Variants in ADCK1 observed in about 807,000 individuals in gnomAD.
The protein encoded by ADCK1 is aarF domain containing kinase 1.
ADCK1 carries 41 observed loss-of-function variants against 52.3 expected under a neutral mutation model. That is an observed-to-expected ratio of 0.78 (90% CI 0.61 to 1.02). The LOEUF (loss-of-function observed/expected upper bound fraction) is 1.02. ADCK1 is among the 50% of genes least tolerant of loss of function. ADCK1 has a pLI of 0.00. For synonymous variants in ADCK1, 250 were observed against 274.6 expected, an observed-to-expected ratio of 0.91 and a Z score of 0.89; for missense variants, 658 against 679.5, an observed-to-expected ratio of 0.97 and a Z score of 0.35.
chr14:77,839,942 A>AG (rs2082034223), intron 3 of ADCK1, among the ~76,000 whole-genome samples: 1 of 143,548 alleles, frequency 7.0e-6, no homozygotes, highest in Non-Finnish European at 1.5e-5. Flanking sequence ...AAAAAAAAAA[A>AG]GGAAAAAAGA....
At chr14:77,812,943 T>G (rs1350549587) in intron 1 of ADCK1, among the ~76,000 whole-genome samples, 2 of 152,140 alleles carry the variant, frequency 1.3e-5, no homozygotes, top group African/African-American at 4.8e-5. Flanking sequence ...AGGTAGGAAC[T>G]GATCCCAGGA....
chr14:77,855,418 C>G (rs892272697), intron 3 of ADCK1, among the ~76,000 whole-genome samples: 1 of 152,202 alleles, frequency 6.6e-6, no homozygotes, highest in Non-Finnish European at 1.5e-5. Context: ...AGTCCACCAG[C>G]TTCTATGTGG....
intron 9 of ADCK1, among the ~76,000 whole-genome samples, chr14:77,927,020 A>G (rs1487676655): frequency 1.3e-5 from 2 of 152,132 alleles, no homozygotes; most frequent in Non-Finnish European, 2.9e-5. Flanking sequence ...CATCAGGGAC[A>G]GGGTTCTGCC....
At chr14:77,853,978 T>C (rs1350200764) in intron 3 of ADCK1, among the ~76,000 whole-genome samples, 1 of 152,240 alleles carries the variant, frequency 6.6e-6, no homozygotes, top group Non-Finnish European at 1.5e-5. Context: ...CATGTTCACC[T>C]TGTCACCTTG....
At chr14:77,855,530 T>C (rs1048938050) in intron 3 of ADCK1, among the ~76,000 whole-genome samples, 18 of 152,222 alleles carry the variant, frequency 1.2e-4, no homozygotes, top group Non-Finnish European at 7.3e-5. Flanking sequence ...GGTTAAACTC[T>C]GTTAATATGT....
In ADCK1 at chr14:77,841,884, G is replaced by C. The variant is rs191566091; in HGVS notation, c.220-17192G>C. Among the ~76,000 whole-genome samples the C allele has an allele frequency of 1.8e-3, 275 of 150,814 alleles. 3 individuals carry two copies. Among genetic ancestry groups the C allele is most frequent in the Middle Eastern group, 0.017 (5 of 294 alleles). The stretch of plus-strand genomic sequence containing the variant: ...AAAAAAAAAAAATTTGCCAGGCCAG[G>C]CATGGTGGCTCATGCCTGTAATCCC... On this transcript the variant is annotated intron_variant, in intron 3 of 10. Coordinates refer to ENST00000238561, the MANE Select transcript of ADCK1 (RefSeq NM_020421.4).
intron 7 of ADCK1, among the ~76,000 whole-genome samples, chr14:77,918,247 G>C (rs2083972740): frequency 6.6e-6 from 1 of 152,208 alleles, no homozygotes; most frequent in African/African-American, 2.4e-5. Context: ...AGACAGTTCA[G>C]TGGCAGCAGG....
chr14:77,851,012 C>T (rs1351670635), intron 3 of ADCK1, among the ~76,000 whole-genome samples: 3 of 151,798 alleles, frequency 2.0e-5, no homozygotes, highest in Non-Finnish European at 4.4e-5. Flanking sequence ...TCAGTTTTTG[C>T]CATTACTTTT....
intron 4 of ADCK1, 151 bp downstream of exon 4, chr14:77,859,430 G>T: frequency 1.3e-6 from 1 of 766,032 alleles, no homozygotes; most frequent in East Asian, 2.7e-5. Context: ...AATCAAAGAG[G>T]TTAGAAGGAA....
At chr14:77,933,111 G>A (rs2084376470) in intron 10 of ADCK1, 109 bp from the exon 11 acceptor site, 2 of 1,122,462 alleles carry the variant, frequency 1.8e-6, no homozygotes, top group African/African-American at 1.6e-5. Flanking sequence ...TAGGGGCAGG[G>A]AGCTGGTGAG....
intron 4 of ADCK1, among the ~76,000 whole-genome samples, chr14:77,882,927 C>T (rs563704129): frequency 6.6e-6 from 1 of 151,686 alleles, no homozygotes; most frequent in African/African-American, 2.4e-5. Flanking sequence ...TGTCAAGCCC[C>T]TAGGGGATGA....
intron 3 of ADCK1, among the ~76,000 whole-genome samples, chr14:77,858,841 G>A (rs1354847484): frequency 6.6e-6 from 1 of 152,148 alleles, no homozygotes; most frequent in Non-Finnish European, 1.5e-5. Context: ...GAGATAGGAA[G>A]CACTGGGCCG....
chr14:77,893,827 G>A (rs898524185), intron 5 of ADCK1, among the ~76,000 whole-genome samples: 2 of 150,808 alleles, frequency 1.3e-5, no homozygotes, highest in African/African-American at 2.4e-5. Flanking sequence ...TCCACTGCCT[G>A]GGTTCGAGTG....
intron 3 of ADCK1, among the ~76,000 whole-genome samples, chr14:77,823,945 C>A (rs546050651): frequency 5.9e-5 from 9 of 152,174 alleles, no homozygotes; most frequent in South Asian, 2.1e-4. Context: ...TTGGCCCAGG[C>A]TGGAGTGAAG....
chr14:77,918,126 T>A (rs1427246935), intron 7 of ADCK1, among the ~76,000 whole-genome samples: 1 of 152,210 alleles, frequency 6.6e-6, no homozygotes, highest in Non-Finnish European at 1.5e-5. Flanking sequence ...TTATTTGTCA[T>A]GCTGGACCCC....
Position 77,852,881 on chromosome 14 carries a change from G to GTATATATATATATATA in ADCK1, c.220-6194_220-6193insATATATATATATATAT, listed in dbSNP as rs1250184497. Among the ~76,000 whole-genome samples, 102 of 29,506 alleles carry GTATATATATATATATA rather than the reference G, an allele frequency of 3.5e-3. 2 individuals are homozygous for GTATATATATATATATA. Among genetic ancestry groups the GTATATATATATATATA allele is most frequent in the Non-Finnish European group, 4.4e-3 (72 of 16,350 alleles). 19.4% of individuals were successfully genotyped at this position (29,506 alleles called of 152,430 possible). On this transcript the variant is annotated intron_variant, in intron 3 of 10. Transcript: ENST00000238561. ...TTTCAAGTTCACTAATCTTTTATGT[G>GTATATATATATATATA]TGTATATATATATATATATATATAT...
chr14:77,849,321 G>A (rs568643577), intron 3 of ADCK1, among the ~76,000 whole-genome samples: 3 of 152,150 alleles, frequency 2.0e-5, no homozygotes, highest in Non-Finnish European at 4.4e-5. Context: ...CAATCCTCCC[G>A]CCTTGGCCTT....
intron 5 of ADCK1, 32 bp from the exon 6 acceptor site, chr14:77,899,068 G>A: frequency 6.2e-7 from 1 of 1,612,098 alleles, no homozygotes; most frequent in Non-Finnish European, 8.5e-7. Flanking sequence ...TATGCTGTGG[G>A]CCAAATGACT....
chr14:77,831,855 G>A (rs1243770390), intron 3 of ADCK1, among the ~76,000 whole-genome samples: 1 of 152,218 alleles, frequency 6.6e-6, no homozygotes, highest in Non-Finnish European at 1.5e-5. Flanking sequence ...CAGAGTAAGG[G>A]GCTAAGGTCG....
Sources: allele counts gnomAD v4.1 joint callset (sites outside exome capture counted in the v4.1 genomes callset), GRCh38; gene constraint gnomAD v4.1.1; transcripts MANE v1.5; gene names NCBI Gene and HGNC (gene_info 2026-07-23, HGNC 2026-07-21).